Variants in AKAP12 observed in about 807,000 individuals in gnomAD.
AKAP12 encodes the protein A-kinase anchor protein 12.
AKAP12 carries 32 observed loss-of-function variants against 79.9 expected under a neutral mutation model. That is an observed-to-expected ratio of 0.40 (90% CI 0.30 to 0.54). The LOEUF is 0.54. AKAP12 is among the 20% of genes least tolerant of loss of function. The pLI is 0.48. For missense variants in AKAP12, 2,074 were observed against 2,177.0 expected (o/e 0.95, Z 0.94); for synonymous variants, 808 against 857.0 (o/e 0.94, Z 1.00).
At chr6:151,249,590 A>G (rs1372918822) in intron 2 of AKAP12, among the ~76,000 whole-genome samples, 1 of 152,226 alleles carries the variant, frequency 6.6e-6, no homozygotes, top group Non-Finnish European at 1.5e-5. Context: ...ATATATTTAG[A>G]TCTTTATTCC....
chr6:151,252,174 G>A (rs542791173), intron 2 of AKAP12, among the ~76,000 whole-genome samples: 3 of 152,030 alleles, frequency 2.0e-5, no homozygotes, highest in Non-Finnish European at 4.4e-5. Context: ...GGCAAGGGAG[G>A]CACAGCTGAA....
chr6:151,312,549 T>C (rs10080912), intron 3 of AKAP12, among the ~76,000 whole-genome samples: 4,063 of 152,092 alleles, frequency 0.027, 188 homozygotes, highest in African/African-American at 0.091. Flanking sequence ...CCCCACACTT[T>C]GGGAGGCCGA....
intron 3 of AKAP12, among the ~76,000 whole-genome samples, chr6:151,340,266 A>G (rs2114807213): frequency 6.9e-6 from 1 of 145,152 alleles, no homozygotes; most frequent in Non-Finnish European, 1.5e-5. Flanking sequence ...GCTGAATAGT[A>G]TTATGTTGTC....
rs143954449 is a variant in AKAP12, at chr6:151,332,123, G to A, written c.320-16588G>A. ...ATGATCTCAGCTCACTGCAGCCTCC[G>A]CCTCCCAGGTTCAAATGATTCTCCT... On this transcript the variant is annotated intron_variant, in intron 3 of 4. Coordinates refer to ENST00000402676, the MANE Select transcript of AKAP12 (RefSeq NM_005100.4). Among the ~76,000 whole-genome samples the A allele has an allele frequency of 2.8e-4, 39 of 141,748 alleles. No individual in the cohort carries two copies. In the East Asian group the frequency reaches 8.1e-3, roughly 29 times the overall value. The allele number at this position is 141,748 out of a possible 152,430, so 93.0% of individuals were successfully genotyped here. A position where few individuals can be genotyped will look rare whatever the true frequency, so the allele number is the denominator to read the frequency against.
rs1043908723 is a variant in AKAP12, at chr6:151,353,835, ATAAT to A, written c.*12+88_*12+91del. On this transcript the variant is annotated intron_variant, in intron 4 of 4. Transcript: ENST00000402676. ...TTGTTACATAAGGAATCGGGAGCAA[ATAAT>A]TAATGCCTTCGTGTAGAACCTTCAG... is the stretch of plus-strand genomic sequence containing the variant. The A allele has an allele frequency of 2.4e-5, 21 of 888,148 alleles. No individual in the cohort carries two copies. In the South Asian group the frequency reaches 2.9e-4, roughly 12 times the overall value. The allele number at this position is 888,148 out of a possible 1,614,324, so 55.0% of individuals were successfully genotyped here. A position where few individuals can be genotyped will look rare whatever the true frequency, so the allele number is the denominator to read the frequency against.
chr6:151,326,511 A>G (rs1180936244), intron 3 of AKAP12, among the ~76,000 whole-genome samples: 2 of 151,778 alleles, frequency 1.3e-5, no homozygotes, highest in Non-Finnish European at 2.9e-5. Context: ...AAAAAAGAAA[A>G]AAAGAAAAAA....
chr6:151,325,192 G>A, intron 3 of AKAP12: 1 of 985,404 alleles, frequency 1.0e-6, no homozygotes, highest in Non-Finnish European at 1.2e-6. Context: ...GACACAGATG[G>A]TGAAAATATC....
intron 2 of AKAP12, among the ~76,000 whole-genome samples, chr6:151,287,818 T>A (rs950641292): frequency 1.3e-4 from 20 of 152,184 alleles, no homozygotes; most frequent in Admixed American, 4.6e-4. Context: ...CCAACCCAAA[T>A]GCCCATCAAT....
rs565268957 is a variant in AKAP12, at chr6:151,331,884, CAAAA to C, written c.320-16813_320-16810del. On this transcript the variant is annotated intron_variant, in intron 3 of 4. Transcript: ENST00000402676. ...TGGACGACAGAGCGAGACTCCGTCTCAAAAAAAAAAAAAAAAAGTTTTGTTTTGG... is the reference window on the plus strand; with the variant it reads ...TGGACGACAGAGCGAGACTCCGTCTCAAAAAAAAAAAAAGTTTTGTTTTGG... 4.3e-3 allele frequency among the ~76,000 whole-genome samples: 406 copies of C among 94,130 alleles called. 3 individuals are homozygous for C. The highest frequency in any genetic ancestry group is 0.015 in the African/African-American group (368 of 24,892). The allele number at this position is 94,130 out of a possible 152,430, so 61.8% of individuals were successfully genotyped here.
chr6:151,243,775 C>A (rs189395098), intron 2 of AKAP12, among the ~76,000 whole-genome samples: 1 of 152,130 alleles, frequency 6.6e-6, no homozygotes, highest in East Asian at 1.9e-4. Flanking sequence ...CTGCAGGGTG[C>A]GGGAAGATTA....
intron 2 of AKAP12, among the ~76,000 whole-genome samples, chr6:151,242,907 T>C (rs903698536): frequency 6.6e-6 from 1 of 152,224 alleles, no homozygotes; most frequent in African/African-American, 2.4e-5. Context: ...TTGGTTTTGA[T>C]TGGAAAATAT....
chr6:151,325,024 C>G, intron 3 of AKAP12: 8 of 985,440 alleles, frequency 8.1e-6, no homozygotes, highest in Non-Finnish European at 9.6e-6. Context: ...ACCCCATGCT[C>G]AAGTCTGCTT....
chr6:151,280,394 T>G (rs991543210), intron 2 of AKAP12: 1 of 152,052 alleles, frequency 6.6e-6, no homozygotes, highest in African/African-American at 2.4e-5. Flanking sequence ...TGCCCCACCC[T>G]TCCACCCTTT....
At chr6:151,270,903 A>G (rs1562715223) in intron 2 of AKAP12, among the ~76,000 whole-genome samples, 1 of 152,218 alleles carries the variant, frequency 6.6e-6, no homozygotes. Context: ...GATGAATCCA[A>G]GTGAGCATTA....
At chr6:151,261,074 C>G (rs891573974) in intron 2 of AKAP12, among the ~76,000 whole-genome samples, 4 of 152,002 alleles carry the variant, frequency 2.6e-5, no homozygotes, top group African/African-American at 9.7e-5. Flanking sequence ...CAGGTTGCAT[C>G]TTGAGGGTTG....
chr6:151,253,988 T>C (rs570035028), intron 2 of AKAP12, among the ~76,000 whole-genome samples: 95 of 152,252 alleles, frequency 6.2e-4, no homozygotes, highest in African/African-American at 2.3e-3. Flanking sequence ...GGACTACAGG[T>C]GTGAACCACT....
chr6:151,346,753 C>T (rs1047009746), intron 3 of AKAP12, among the ~76,000 whole-genome samples: 2 of 152,078 alleles, frequency 1.3e-5, no homozygotes, highest in Admixed American at 6.5e-5. Context: ...GCCTTTTACC[C>T]GATGGTTTTA....
At chr6:151,295,755 G>A (rs1399806866) in intron 2 of AKAP12, among the ~76,000 whole-genome samples, 1 of 152,228 alleles carries the variant, frequency 6.6e-6, no homozygotes, top group Non-Finnish European at 1.5e-5. Context: ...GCAGTTGGTG[G>A]GATGATGTAG....
At chr6:151,253,333 C>G (rs900860472) in intron 2 of AKAP12, among the ~76,000 whole-genome samples, 2 of 152,000 alleles carry the variant, frequency 1.3e-5, no homozygotes, top group Non-Finnish European at 2.9e-5. Context: ...TAGAAACTTT[C>G]GTTTGAAATT....
Sources: gnomAD v4.1 joint callset for allele counts (sites outside exome capture counted in the v4.1 genomes callset) on GRCh38, gnomAD v4.1.1 for gene constraint, MANE v1.5 for transcripts, NCBI Gene and HGNC (gene_info 2026-07-23, HGNC 2026-07-21) for gene names.